The following TBC1D5 variants were observed in gnomAD, a reference collection of about 807,000 sequenced individuals.
The protein encoded by TBC1D5 is TBC1 domain family, member 5.
TBC1D5 carries 75 observed loss-of-function variants against 100.3 expected under a neutral mutation model. The ratio of observed to expected loss-of-function variants is 0.75; its 90% CI spans 0.62 to 0.91. The LOEUF (loss-of-function observed/expected upper bound fraction) is 0.91. Ranked by LOEUF, TBC1D5 falls within the 40% of genes least tolerant of loss-of-function variation. The pLI is 0.00. For missense variants in TBC1D5, 910 were observed against 942.4 expected, an observed-to-expected ratio of 0.97 and a Z score of 0.45; for synonymous variants, 323 against 325.6, an observed-to-expected ratio of 0.99 and a Z score of 0.09.
chr3:17,614,298 T>C (rs1292857359), intron 2 of TBC1D5, among the ~76,000 whole-genome samples: 1 of 152,210 alleles, frequency 6.6e-6, no homozygotes. Flanking sequence ...AGCCTTGTAG[T>C]ATAGTTTGAA....
At chr3:17,170,615 G>C (rs2067081779) in intron 19 of TBC1D5, among the ~76,000 whole-genome samples, 1 of 152,158 alleles carries the variant, frequency 6.6e-6, no homozygotes, top group South Asian at 2.1e-4. Flanking sequence ...CCCATGGCCA[G>C]GAGGAACAAG....
At chr3:17,474,267 A>G (rs1413999574) in intron 3 of TBC1D5, among the ~76,000 whole-genome samples, 1 of 152,124 alleles carries the variant, frequency 6.6e-6, no homozygotes, top group Non-Finnish European at 1.5e-5. Context: ...TAAACTACTT[A>G]CTCATCAAAA....
At chr3:17,494,307 G>A (rs1436977385) in intron 3 of TBC1D5, among the ~76,000 whole-genome samples, 1 of 152,152 alleles carries the variant, frequency 6.6e-6, no homozygotes, top group Admixed American at 6.5e-5. Context: ...CCGTCCCAGA[G>A]GCACACTGAC....
chr3:17,511,504 G>A (rs886255247), intron 2 of TBC1D5, among the ~76,000 whole-genome samples: 1 of 151,828 alleles, frequency 6.6e-6, no homozygotes, highest in African/African-American at 2.4e-5. Flanking sequence ...CAAGTAACAA[G>A]CAAGTTGCCA....
chr3:17,654,644 G>A (rs2065889016), intron 1 of TBC1D5, among the ~76,000 whole-genome samples: 1 of 152,106 alleles, frequency 6.6e-6, no homozygotes, highest in South Asian at 2.1e-4. Flanking sequence ...GTCTCTGCCT[G>A]GCTTTGGTAT....
At chr3:17,401,844 T>C (rs1349257219) in intron 8 of TBC1D5, among the ~76,000 whole-genome samples, 1 of 152,160 alleles carries the variant, frequency 6.6e-6, no homozygotes, top group Non-Finnish European at 1.5e-5. Flanking sequence ...TTACTACCAC[T>C]GATTAACTAT....
rs1333730366 is a variant in TBC1D5, at chr3:17,533,208, C to T, written c.-35-24603G>A. On this transcript the variant is annotated intron_variant, in intron 2 of 21. Coordinates refer to ENST00000253692, the Ensembl canonical transcript of TBC1D5. ...TCCAATAATCCCTAAATCTATTTCC[C>T]CATACAATTAAAAGATAAACTATTT... 4.1e-4 allele frequency among the ~76,000 whole-genome samples: 63 copies of T among 152,006 alleles called. 1 individual carries two copies. The highest frequency in any genetic ancestry group is 4.1e-3 in the Admixed American group (62 of 15,256).
At chr3:17,494,206 C>T (rs1413085793) in intron 3 of TBC1D5, among the ~76,000 whole-genome samples, 4 of 152,126 alleles carry the variant, frequency 2.6e-5, no homozygotes, top group East Asian at 1.9e-4. Context: ...AGACCCTATT[C>T]GCCTGGGTCA....
chr3:17,160,756 C>CT, exon 22 of TBC1D5: 1 of 628,022 alleles, frequency 1.6e-6, no homozygotes, highest in East Asian at 2.8e-5. Flanking sequence ...CCAGAAAGCC[C>CT]TGTCTGCATG....
At chr3:17,205,888 A>C (rs1185476850) in intron 18 of TBC1D5, among the ~76,000 whole-genome samples, 1 of 152,176 alleles carries the variant, frequency 6.6e-6, no homozygotes, top group African/African-American at 2.4e-5. Context: ...TGGTGATGCT[A>C]CTCAACAGCT....
chr3:17,657,665 T>C lies in TBC1D5; in HGVS notation c.-100-33752A>G, dbSNP rs150573368. Among the ~76,000 whole-genome samples, 195 of 152,292 alleles carry C rather than the reference T, an allele frequency of 1.3e-3. 1 individual carries two copies. Among genetic ancestry groups the C allele is most frequent in the South Asian group, 1.7e-3 (8 of 4,822 alleles). ...AATTCTTTCTTTAGCTGCATCAATA[T>C]AGTCAATCAGGAAAGTGGCCAAGGC... On this transcript the variant is annotated intron_variant, in intron 1 of 21. Transcript: ENST00000253692.
chr3:17,352,429 T>C (rs894542208), intron 13 of TBC1D5, among the ~76,000 whole-genome samples: 2 of 151,962 alleles, frequency 1.3e-5, no homozygotes, highest in Admixed American at 6.6e-5. Context: ...ACATTATTTT[T>C]TAAAATAAAA....
At chr3:17,519,776 G>A (rs2096041706) in intron 2 of TBC1D5, among the ~76,000 whole-genome samples, 1 of 152,170 alleles carries the variant, frequency 6.6e-6, no homozygotes. Context: ...AGAACCTGTA[G>A]TATGTCGTAG....
rs191705878 is a variant in TBC1D5, at chr3:17,169,661, C to T, written c.1853-1833G>A. 3.0e-4 allele frequency among the ~76,000 whole-genome samples: 45 copies of T among 152,234 alleles called. 1 individual carries two copies. The highest frequency in any genetic ancestry group is 2.2e-3 in the Admixed American group (33 of 15,292). ...AAATGTTTTTCGTTTCCTTAAAAGC[C>T]TGTAACAATTTCTTCTCTCTCAATA... On this transcript the variant is annotated intron_variant, in intron 19 of 21. Coordinates refer to ENST00000253692, the Ensembl canonical transcript of TBC1D5.
intron 2 of TBC1D5, among the ~76,000 whole-genome samples, chr3:17,582,024 T>C (rs1028493164): frequency 2.0e-5 from 3 of 152,200 alleles, no homozygotes; most frequent in African/African-American, 4.8e-5. Flanking sequence ...GACCACTCTA[T>C]CTAAAATTTC....
At chr3:17,304,283 G>C (rs1025790099) in intron 14 of TBC1D5, among the ~76,000 whole-genome samples, 1 of 152,152 alleles carries the variant, frequency 6.6e-6, no homozygotes, top group Non-Finnish European at 1.5e-5. Flanking sequence ...CTGGTATATG[G>C]GAGGGAAACC....
intron 2 of TBC1D5, among the ~76,000 whole-genome samples, chr3:17,582,513 T>C (rs1052347367): frequency 2.6e-5 from 4 of 151,876 alleles, no homozygotes; most frequent in Non-Finnish European, 5.9e-5. Context: ...CTCAGTAGTA[T>C]AGTGAAAAGA....
upstream of TBC1D5, among the ~76,000 whole-genome samples, chr3:17,741,756 C>T (rs1256097278): frequency 2.0e-5 from 3 of 147,856 alleles, no homozygotes; most frequent in African/African-American, 5.0e-5. Context: ...GTGTGTTTTT[C>T]CAGGAAAAGT....
chr3:17,412,441 G>A (rs1190042335), intron 4 of TBC1D5, among the ~76,000 whole-genome samples: 1 of 152,094 alleles, frequency 6.6e-6, no homozygotes, highest in African/African-American at 2.4e-5. Flanking sequence ...GCCCTTCTAG[G>A]GGAGAAGGAT....
Sources: gnomAD v4.1 joint callset for allele counts (sites outside exome capture counted in the v4.1 genomes callset) on GRCh38, gnomAD v4.1.1 for gene constraint, MANE v1.5 for transcripts, NCBI Gene and HGNC (gene_info 2026-07-23, HGNC 2026-07-21) for gene names.